Variants in LSAMP observed in about 807,000 individuals in gnomAD.
LSAMP encodes limbic system associated membrane protein.
LSAMP carries 7 observed loss-of-function variants against 38.6 expected under a neutral mutation model. The observed-to-expected ratio is 0.18, with a 90% CI of 0.10 to 0.34. The LOEUF (loss-of-function observed/expected upper bound fraction) is 0.34, where lower values mean the gene tolerates loss of function less well. Among genes scored for constraint, LSAMP ranks in the 10% least tolerant of loss-of-function variants. The pLI is 1.00. For missense variants in LSAMP, 313 were observed against 420.0 expected, an observed-to-expected ratio of 0.75 and a Z score of 2.23; for synonymous variants, 154 against 166.8, an observed-to-expected ratio of 0.92 and a Z score of 0.59.
At chr3:116,197,533 C>G (rs1710921986) in intron 1 of LSAMP, among the ~76,000 whole-genome samples, 1 of 152,184 alleles carries the variant, frequency 6.6e-6, no homozygotes, top group South Asian at 2.1e-4. Flanking sequence ...AGCACTGTGC[C>G]AACTCTTCAA....
intron 3 of LSAMP, among the ~76,000 whole-genome samples, chr3:116,002,085 GA>G (rs1940012651): frequency 6.6e-6 from 1 of 152,072 alleles, no homozygotes; most frequent in Non-Finnish European, 1.5e-5. Flanking sequence ...GAGTGATCCT[GA>G]AATCAAAATT....
chr3:115,818,601 T>C (rs1417272168), intron 6 of LSAMP, among the ~76,000 whole-genome samples: 2 of 151,572 alleles, frequency 1.3e-5, no homozygotes, highest in East Asian at 3.9e-4. Context: ...AGACACATAA[T>C]AAATGCTCAA....
chr3:116,397,300 G>A (rs764323214), intron 1 of LSAMP, among the ~76,000 whole-genome samples: 64 of 151,868 alleles, frequency 4.2e-4, no homozygotes, highest in Non-Finnish European at 5.6e-4. Context: ...GAATTCTCTA[G>A]GTAAGTTCCT....
intron 6 of LSAMP, among the ~76,000 whole-genome samples, chr3:115,831,584 T>G (rs917371772): frequency 6.6e-6 from 1 of 152,200 alleles, no homozygotes; most frequent in African/African-American, 2.4e-5. Flanking sequence ...CATTGCTCAG[T>G]ACCCAGAAAC....
intron 1 of LSAMP, among the ~76,000 whole-genome samples, chr3:116,159,661 T>C (rs916375092): frequency 3.3e-5 from 5 of 152,138 alleles, no homozygotes; most frequent in Non-Finnish European, 7.4e-5. Flanking sequence ...GGAGTATAAA[T>C]TAATTCAGTC....
intron 6 of LSAMP, among the ~76,000 whole-genome samples, chr3:115,840,039 C>T (rs1431893147): frequency 4.6e-5 from 7 of 151,948 alleles, no homozygotes; most frequent in Admixed American, 3.9e-4. Flanking sequence ...CTCACTTTCC[C>T]TTCTCCCTCA....
At chr3:116,135,766 C>A (rs930347887) in intron 1 of LSAMP, among the ~76,000 whole-genome samples, 1 of 152,172 alleles carries the variant, frequency 6.6e-6, no homozygotes, top group Non-Finnish European at 1.5e-5. Flanking sequence ...AAGCAATAAA[C>A]TGTGCTTGTC....
At chr3:116,021,733 A>AG (rs1491415224) in intron 2 of LSAMP, among the ~76,000 whole-genome samples, 4 of 152,068 alleles carry the variant, frequency 2.6e-5, no homozygotes, top group Non-Finnish European at 2.9e-5. Context: ...TTTATAAAAC[A>AG]GAAAAAAAAT....
chr3:116,144,318 C>T (rs931618155), intron 1 of LSAMP, among the ~76,000 whole-genome samples: 2 of 151,830 alleles, frequency 1.3e-5, no homozygotes, highest in Non-Finnish European at 2.9e-5. Context: ...GAGAGGATTG[C>T]TTGTGACCAG....
chr3:116,069,737 A>G (rs962214009), intron 2 of LSAMP, among the ~76,000 whole-genome samples: 4 of 152,218 alleles, frequency 2.6e-5, no homozygotes, highest in African/African-American at 9.6e-5. Flanking sequence ...GGACATCAGA[A>G]AGAAACAAGA....
At chr3:116,038,719 T>G (rs1941101886) in intron 2 of LSAMP, among the ~76,000 whole-genome samples, 1 of 152,096 alleles carries the variant, frequency 6.6e-6, no homozygotes, top group Non-Finnish European at 1.5e-5. Context: ...TTGGCTGGCC[T>G]AAAGTAAGAG....
chr3:115,977,147 CT>C (rs2107620482), intron 3 of LSAMP, among the ~76,000 whole-genome samples: 3 of 152,182 alleles, frequency 2.0e-5, no homozygotes, highest in African/African-American at 7.2e-5. Context: ...CCCAAGATGC[CT>C]TTTACATATA....
chr3:116,206,265 TTTA>T (rs1429382303), intron 1 of LSAMP, among the ~76,000 whole-genome samples: 1 of 149,850 alleles, frequency 6.7e-6, no homozygotes, highest in African/African-American at 2.5e-5. Flanking sequence ...TTTATCATTT[TTTA>T]TTGTGTCTAT....
At chr3:116,246,571 G>A (rs1467575342) in intron 1 of LSAMP, among the ~76,000 whole-genome samples, 1 of 152,128 alleles carries the variant, frequency 6.6e-6, no homozygotes, top group African/African-American at 2.4e-5. Context: ...AGAAAATTAT[G>A]CCAAGCGTGC....
intron 1 of LSAMP, chr3:116,369,771 T>G (rs1454669717): frequency 6.6e-6 from 1 of 152,502 alleles, no homozygotes; most frequent in African/African-American, 2.4e-5. Context: ...ATGAAGTAAT[T>G]AAGTTAAATG....
intron 1 of LSAMP, among the ~76,000 whole-genome samples, chr3:116,206,066 T>C (rs1424966327): frequency 6.6e-6 from 1 of 151,926 alleles, no homozygotes; most frequent in Non-Finnish European, 1.5e-5. Context: ...TATTGATTAT[T>C]GCCACAATTT....
At chr3:116,230,430 T>C (rs546733669) in intron 1 of LSAMP, among the ~76,000 whole-genome samples, 43 of 152,346 alleles carry the variant, frequency 2.8e-4, no homozygotes, top group Admixed American at 8.5e-4. Context: ...CCTATCATAC[T>C]GCTATGCTAT....
At chr3:115,899,468 G>A (rs1936818057) in intron 3 of LSAMP, among the ~76,000 whole-genome samples, 1 of 151,952 alleles carries the variant, frequency 6.6e-6, no homozygotes, top group Admixed American at 6.6e-5. Flanking sequence ...ATAAGAGAAA[G>A]GTACTTTAAA....
chr3:116,095,601 A>T (rs1186812481), intron 1 of LSAMP, among the ~76,000 whole-genome samples: 2 of 152,240 alleles, frequency 1.3e-5, no homozygotes, highest in African/African-American at 4.8e-5. Flanking sequence ...ACATTCACAT[A>T]GAAGAAATAA....
Sources: allele counts gnomAD v4.1 joint callset (sites outside exome capture counted in the v4.1 genomes callset), GRCh38; gene constraint gnomAD v4.1.1; transcripts MANE v1.5; gene names NCBI Gene and HGNC (gene_info 2026-07-23, HGNC 2026-07-21).